The following LRP5 variants were observed in gnomAD, a reference collection of about 807,000 sequenced individuals.
LRP5 encodes the protein LDL receptor related protein 5.
LRP5 carries 62 observed loss-of-function variants against 154.1 expected under a neutral mutation model. That is an observed-to-expected ratio of 0.40 (90% CI 0.33 to 0.50). The LOEUF is 0.50. Among genes scored for constraint, LRP5 ranks in the 20% least tolerant of loss-of-function variants. The pLI, the probability that LRP5 is intolerant of heterozygous loss-of-function variation, is 0.55. For synonymous variants in LRP5, 966 were observed against 1,011.5 expected, an observed-to-expected ratio of 0.96 and a Z score of 0.85; for missense variants, 1,915 against 2,336.7, an observed-to-expected ratio of 0.82 and a Z score of 3.72.
intron 4 of LRP5, among the ~76,000 whole-genome samples, chr11:68,364,243 G>A (rs1362173998): frequency 6.6e-6 from 1 of 151,772 alleles, no homozygotes; most frequent in Non-Finnish European, 1.5e-5. Flanking sequence ...TCCAAGGAAG[G>A]TTGCCTCGTT....
At chr11:68,349,078 G>T in intron 2 of LRP5, among the ~76,000 whole-genome samples, 1 of 144,956 alleles carries the variant, frequency 6.9e-6, no homozygotes, top group Non-Finnish European at 1.5e-5. Flanking sequence ...TGTTGCCCAG[G>T]CTGGAGTGCA....
chr11:68,420,472 A>G (rs1294151895), intron 13 of LRP5, among the ~76,000 whole-genome samples: 2 of 151,624 alleles, frequency 1.3e-5, no homozygotes, highest in East Asian at 3.9e-4. Context: ...TGGGAGTCCG[A>G]GGTGGGCAGA....
intron 8 of LRP5, 65 bp downstream of exon 8, chr11:68,403,764 G>A: frequency 2.5e-6 from 4 of 1,590,144 alleles, no homozygotes; most frequent in Non-Finnish European, 3.4e-6. Flanking sequence ...GAAGTGACGG[G>A]TCCATGCCTG....
At position 68,413,566 on chromosome 11, in the gene LRP5, C is replaced by CT. The variant is rs2098660775; in HGVS notation, c.2504-120dup. The CT allele has an allele frequency of 2.3e-6, 2 of 867,920 alleles. No homozygotes were observed. Among genetic ancestry groups the CT allele is most frequent in the African/African-American group, 3.3e-5 (2 of 60,870 alleles). 53.8% of individuals were successfully genotyped at this position (867,920 alleles called of 1,614,324 possible). On this transcript the variant is annotated intron_variant, in intron 11 of 22. Coordinates refer to ENST00000294304, the MANE Select transcript of LRP5 (RefSeq NM_002335.4). This position sits in a 1 kb window ranked among gnomAD's most constrained non-coding sequence, Gnocchi z 5.1. The stretch of plus-strand genomic sequence containing the variant: ...GCTGGTTTTCCAAGGTGGCCAAACA[C>CT]TTTAAGGCATTCATGTGGTCGCTAG...
chr11:68,443,839 G>A lies in LRP5; in HGVS notation c.4489-2597G>A, dbSNP rs1412799436. Among the ~76,000 whole-genome samples the A allele has an allele frequency of 5.3e-5, 8 of 151,052 alleles. No homozygotes were observed. In the East Asian group the frequency reaches 1.6e-3, roughly 30 times the overall value. ...ATGCCTGGCTAATTTTGTACTTTTA[G>A]TAGAGACGGGGGTTTCTCCATGTTG... On this transcript the variant is annotated intron_variant, in intron 21 of 22. Transcript: ENST00000294304.
chr11:68,318,778 C>T (rs1459359446), intron 1 of LRP5, among the ~76,000 whole-genome samples: 1 of 152,192 alleles, frequency 6.6e-6, no homozygotes, highest in Non-Finnish European at 1.5e-5. Context: ...CTGGTGGGGG[C>T]GGCACAGGCT....
chr11:68,397,254 C>G (rs1055584540), intron 7 of LRP5, among the ~76,000 whole-genome samples: 2 of 152,168 alleles, frequency 1.3e-5, no homozygotes, highest in Non-Finnish European at 2.9e-5. Flanking sequence ...TCTACCCTGC[C>G]CTTCTCTCCT....
chr11:68,306,052 G>A, the LRP5 span, among the ~76,000 whole-genome samples: 1,102 of 152,326 alleles, frequency 7.2e-3, 11 homozygotes, highest in African/African-American at 0.025. Flanking sequence ...TCCTTGGCTT[G>A]TGGCTGCATG....
chr11:68,399,194 C>A (rs2098651254), intron 7 of LRP5, among the ~76,000 whole-genome samples: 1 of 151,940 alleles, frequency 6.6e-6, no homozygotes, highest in Non-Finnish European at 1.5e-5. Context: ...AGAGCAAGAA[C>A]CTATCTCTTA....
upstream of LRP5, among the ~76,000 whole-genome samples, chr11:68,311,239 G>T (rs745398578): frequency 6.6e-6 from 1 of 152,134 alleles, no homozygotes; most frequent in Non-Finnish European, 1.5e-5. Flanking sequence ...GTGCATTCTC[G>T]ATTCCTCTTC....
At chr11:68,335,074 CTTTTT>C (rs35822609) in intron 1 of LRP5, among the ~76,000 whole-genome samples, 1 of 123,610 alleles carries the variant, frequency 8.1e-6, no homozygotes, top group Non-Finnish European at 1.7e-5. Context: ...CCTGACCTGG[CTTTTT>C]TTTTTTTTTT....
chr11:68,355,704 C>T (rs570910606), intron 2 of LRP5, among the ~76,000 whole-genome samples: 12 of 152,262 alleles, frequency 7.9e-5, no homozygotes, highest in African/African-American at 1.7e-4. Context: ...CACGTAAGGG[C>T]GCCCTGAGGA....
intron 14 of LRP5, among the ~76,000 whole-genome samples, chr11:68,424,175 A>C (rs1375507162): frequency 6.6e-6 from 1 of 152,184 alleles, no homozygotes; most frequent in African/African-American, 2.4e-5. Context: ...CCAGGGAAAG[A>C]GGGAGACCGA....
chr11:68,406,687 C>A lies in LRP5; in HGVS notation c.1965C>A (p.Ile655=). The change falls in exon 9 of 23, where the codon ATC becomes ATA. Residue 655 remains isoleucine (I), a synonymous_variant. Transcript: ENST00000294304. ...AFLVFTSRAA[I]HRISLETNNN... ...TGGTCTTCACCAGCAGAGCCGCCATCCACAGGATCTCCCTCGAGACCAATA... is the reference window on the plus strand; with the variant it reads ...TGGTCTTCACCAGCAGAGCCGCCATACACAGGATCTCCCTCGAGACCAATA... The A allele has an allele frequency of 6.2e-7, 1 of 1,614,186 alleles. No homozygotes were observed. Among genetic ancestry groups the A allele is most frequent in the East Asian group, 2.2e-5 (1 of 44,878 alleles).
Position 68,448,879 on chromosome 11 carries a change from A to G in LRP5, c.4657A>G (p.Ser1553Gly). 2 of 1,612,944 alleles carry G rather than the reference A, an allele frequency of 1.2e-6. No homozygotes were observed. Among genetic ancestry groups the G allele is most frequent in the Non-Finnish European group, 1.7e-6 (2 of 1,179,950 alleles). ...CACCGACGTGTGTGACAGCGACTAC[A>G]GCGCCAGCCGCTGGAAGGCCAGCAA... ...CSTDVCDSDY[S>G]ASRWKASKYY... Residue 1553 changes from serine (S) to glycine (G), a missense_variant, in exon 23 of 23, where the codon AGC (serine) becomes GGC (glycine). Ser to Gly is a moderately conservative substitution (Grantham distance 56). Transcript: ENST00000294304.
At chr11:68,304,531 C>T in the LRP5 span, among the ~76,000 whole-genome samples, 26 of 152,212 alleles carry the variant, frequency 1.7e-4, no homozygotes, top group Admixed American at 1.3e-3. Context: ...AGCTGCGGGA[C>T]GGGGCCGCCA....
chr11:68,446,495 C>A lies in LRP5; in HGVS notation c.4548C>A (p.Phe1516Leu), dbSNP rs767785450. ...TDPSLYNMDMFYSSNIPATAR... is the reference protein window; with the variant it reads ...TDPSLYNMDMLYSSNIPATAR... ...CCTCCCTGTACAACATGGACATGTTCTACTCTTCAAACATTCCGGCCACTG... is the reference window on the plus strand; with the variant it reads ...CCTCCCTGTACAACATGGACATGTTATACTCTTCAAACATTCCGGCCACTG... Residue 1516 changes from phenylalanine (F) to leucine (L), a missense_variant, in exon 22 of 23, where the codon TTC (phenylalanine) becomes TTA (leucine). By Grantham distance (22) the Phe-to-Leu change is conservative. This residue lies in a region of LRP5 where 1,094 missense variants were observed against 1,210.1 expected (regional missense o/e 0.90). Transcript: ENST00000294304. 2 of 1,614,054 alleles carry A rather than the reference C, an allele frequency of 1.2e-6. No individual in the cohort carries two copies. Among genetic ancestry groups the A allele is most frequent in the Admixed American group, 3.3e-5 (2 of 60,012 alleles).
chr11:68,407,335 ATTT>A (rs1361842073), intron 9 of LRP5, among the ~76,000 whole-genome samples: 1 of 151,156 alleles, frequency 6.6e-6, no homozygotes, highest in African/African-American at 2.4e-5. Context: ...CACCCAGCTA[ATTT>A]TTTTTATATT....
At chr11:68,303,773 G>A in the LRP5 span, among the ~76,000 whole-genome samples, 3 of 152,348 alleles carry the variant, frequency 2.0e-5, 1 homozygote, top group East Asian at 5.8e-4. Context: ...GATTACAGGT[G>A]TGAGCCACCA....
Sources: allele counts gnomAD v4.1 joint callset (sites outside exome capture counted in the v4.1 genomes callset), GRCh38; gene constraint gnomAD v4.1.1; regional missense constraint gnomAD v4.1.1; non-coding constraint Gnocchi (gnomAD v3.1); transcripts MANE v1.5; gene names NCBI Gene and HGNC (gene_info 2026-07-23, HGNC 2026-07-21).